Variants in PCTP observed in about 807,000 individuals in gnomAD.
The protein encoded by PCTP is phosphatidylcholine transfer protein.
PCTP carries 27 observed loss-of-function variants against 31.0 expected under a neutral mutation model. The ratio of observed to expected loss-of-function variants is 0.87; its 90% CI spans 0.64 to 1.20. The LOEUF is 1.20. PCTP is among the 50% of genes most tolerant of loss of function. PCTP has a pLI of 0.00. For missense variants in PCTP, 287 were observed against 268.2 expected (o/e 1.07, Z -0.49); for synonymous variants, 108 against 101.2 (o/e 1.07, Z -0.40).
At position 55,751,125 on chromosome 17, in the gene PCTP, T is replaced by C. The variant is rs1909669203; in HGVS notation, c.22T>C (p.Phe8Leu). 1.3e-6 allele frequency: 2 copies of C among 1,543,006 alleles called. No homozygotes were observed. Among genetic ancestry groups the C allele is most frequent in the Non-Finnish European group, 8.7e-7 (1 of 1,144,430 alleles). Residue 8 changes from phenylalanine (F) to leucine (L), a missense_variant, in exon 1 of 6, where the codon TTC becomes CTC. Physicochemically the swap from Phe to Leu is conservative, Grantham distance 22. Coordinates refer to ENST00000268896, the MANE Select transcript of PCTP (RefSeq NM_021213.4). ...AAGGATGGAGCTGGCCGCCGGAAGCTTCTCGGAGGAGCAGTTCTGGGAGGC... is the reference window on the plus strand; with the variant it reads ...AAGGATGGAGCTGGCCGCCGGAAGCCTCTCGGAGGAGCAGTTCTGGGAGGC... The part of the protein sequence containing the change: MELAAGS[F>L]SEEQFWEACA...
intron 5 of PCTP, chr17:55,775,725 C>T: frequency 8.1e-7 from 1 of 1,236,272 alleles, no homozygotes; most frequent in Non-Finnish European, 1.0e-6. Flanking sequence ...ATGTAACAAT[C>T]CAGCCCAAGC....
At chr17:55,818,789 A>C (rs1049150234) in intron 3 of PCTP, among the ~76,000 whole-genome samples, 4 of 152,152 alleles carry the variant, frequency 2.6e-5, no homozygotes, top group African/African-American at 9.7e-5. Flanking sequence ...ACAGGAAGCC[A>C]CAGACCCCAA....
chr17:55,822,103 A>C (rs917090377), intron 3 of PCTP, among the ~76,000 whole-genome samples: 11 of 152,196 alleles, frequency 7.2e-5, no homozygotes, highest in Admixed American at 4.6e-4. Flanking sequence ...GAGTCCTGTT[A>C]CTGTTGGCTC....
At chr17:55,781,341 C>A (rs1040628572), downstream of PCTP, among the ~76,000 whole-genome samples, 1 of 152,212 alleles carries the variant, frequency 6.6e-6, no homozygotes, top group Non-Finnish European at 1.5e-5. Context: ...TGTGAAATTT[C>A]TGTCAAAATT....
intron 1 of PCTP, chr17:55,751,577 C>T: frequency 9.7e-6 from 12 of 1,236,150 alleles, no homozygotes; most frequent in Non-Finnish European, 1.3e-5. Flanking sequence ...GACGTTGATC[C>T]TCACTCTCCA....
intron 1 of PCTP, among the ~76,000 whole-genome samples, chr17:55,753,838 A>G (rs1263867291): frequency 6.6e-6 from 1 of 152,188 alleles, no homozygotes; most frequent in African/African-American, 2.4e-5. Context: ...TAAAACTGGG[A>G]TTTAGATCCA....
intron 3 of PCTP, among the ~76,000 whole-genome samples, chr17:55,789,356 A>G (rs1911870159): frequency 6.6e-6 from 1 of 152,240 alleles, no homozygotes; most frequent in Non-Finnish European, 1.5e-5. Flanking sequence ...GAATTCATCC[A>G]TAACCTTCAA....
intron 3 of PCTP, among the ~76,000 whole-genome samples, chr17:55,813,242 A>T (rs999276249): frequency 3.9e-5 from 6 of 152,200 alleles, no homozygotes; most frequent in African/African-American, 1.4e-4. Context: ...TTTAAACAAT[A>T]TTATAATGAC....
intron 5 of PCTP, among the ~76,000 whole-genome samples, chr17:55,828,947 T>C (rs532534942): frequency 6.6e-6 from 1 of 151,818 alleles, no homozygotes; most frequent in Non-Finnish European, 1.5e-5. Context: ...TTCTTCCCAG[T>C]CCCCCCTACA....
At chr17:55,811,536 CA>C (rs996567106) in intron 3 of PCTP, among the ~76,000 whole-genome samples, 2 of 152,118 alleles carry the variant, frequency 1.3e-5, no homozygotes, top group African/African-American at 4.8e-5. Flanking sequence ...GCTCGGCTGC[CA>C]AAAAAGTAGA....
At chr17:55,804,595 T>C (rs11657220) in intron 3 of PCTP, among the ~76,000 whole-genome samples, 6,408 of 152,078 alleles carry the variant, frequency 0.042, 427 homozygotes, top group African/African-American at 0.14. Context: ...CCATCATTCT[T>C]AGCAAATTAA....
intron 3 of PCTP, among the ~76,000 whole-genome samples, chr17:55,804,394 A>C (rs942321378): frequency 6.6e-6 from 1 of 152,198 alleles, no homozygotes; most frequent in African/African-American, 2.4e-5. Flanking sequence ...AAATCATTCT[A>C]CTATAAAGAC....
chr17:55,751,827 A>G (rs1191502336), intron 1 of PCTP, among the ~76,000 whole-genome samples: 1 of 152,166 alleles, frequency 6.6e-6, no homozygotes, highest in Non-Finnish European at 1.5e-5. Context: ...TGTAGGAGGA[A>G]TGGGATTGGT....
intron 3 of PCTP, 96 bp from the exon 4 acceptor site, chr17:55,773,628 G>T: frequency 8.2e-7 from 1 of 1,218,446 alleles, no homozygotes. Flanking sequence ...CAAGTGGGAG[G>T]CACAGAATCA....
intron 1 of PCTP, among the ~76,000 whole-genome samples, chr17:55,754,624 A>G (rs549370503): frequency 4.6e-5 from 7 of 152,336 alleles, no homozygotes; most frequent in African/African-American, 1.4e-4. Flanking sequence ...TCATATTAAT[A>G]GACTGATTGG....
At chr17:55,797,578 C>G (rs2145017757) in intron 3 of PCTP, among the ~76,000 whole-genome samples, 1 of 152,030 alleles carries the variant, frequency 6.6e-6, no homozygotes, top group Non-Finnish European at 1.5e-5. Context: ...ATCATGTGCC[C>G]TAGGTGGCTT....
intron 5 of PCTP, among the ~76,000 whole-genome samples, chr17:55,830,221 T>C (rs1307445788): frequency 1.3e-5 from 2 of 152,146 alleles, no homozygotes; most frequent in South Asian, 2.1e-4. Flanking sequence ...CCCAGGAGAT[T>C]TGACTGTGCT....
chr17:55,807,570 C>T (rs1912614608), intron 3 of PCTP, among the ~76,000 whole-genome samples: 1 of 152,114 alleles, frequency 6.6e-6, no homozygotes, highest in Admixed American at 6.5e-5. Context: ...ACTGATACCC[C>T]ACTCTTTTTG....
At chr17:55,803,286 AAAG>A (rs1251114780) in intron 3 of PCTP, among the ~76,000 whole-genome samples, 32 of 152,356 alleles carry the variant, frequency 2.1e-4, no homozygotes, top group African/African-American at 7.7e-4. Context: ...CATACTGCCC[AAAG>A]GAATTTATAG....
Sources: allele counts gnomAD v4.1 joint callset (sites outside exome capture counted in the v4.1 genomes callset), GRCh38; gene constraint gnomAD v4.1.1; transcripts MANE v1.5; gene names NCBI Gene and HGNC (gene_info 2026-07-23, HGNC 2026-07-21).